The following HS1BP3 variants were observed in gnomAD, a reference collection of about 807,000 sequenced individuals.
The protein encoded by HS1BP3 is HCLS1-binding protein 3.
In HS1BP3, 32 loss-of-function variants were observed where a neutral mutation model predicts 33.5. The observed-to-expected ratio is 0.95, with a 90% CI of 0.72 to 1.28. The LOEUF is 1.28. Among genes scored for constraint, HS1BP3 ranks in the 50% most tolerant of loss-of-function variants. The probability of loss-of-function intolerance (pLI) is 0.00; values close to 1 mark genes in which losing one functional copy is unlikely to be tolerated. For synonymous variants in HS1BP3, 187 were observed against 209.2 expected, an observed-to-expected ratio of 0.89 and a Z score of 0.92; for missense variants, 486 against 502.3, an observed-to-expected ratio of 0.97 and a Z score of 0.31.
chr2:20,619,798 G>A (rs374421773), intron 6 of HS1BP3, among the ~76,000 whole-genome samples: 1 of 152,356 alleles, frequency 6.6e-6, no homozygotes, highest in Non-Finnish European at 1.5e-5. Flanking sequence ...CTTAGAAGCT[G>A]AGCCCTCATC....
At chr2:20,554,706 CAA>C in the HS1BP3 span, among the ~76,000 whole-genome samples, 20 of 104,488 alleles carry the variant, frequency 1.9e-4, no homozygotes, top group South Asian at 3.4e-4. Context: ...CTCCACCTCA[CAA>C]AAAAAAAAAA....
chr2:20,622,058 T>C, intron 6 of HS1BP3: 3 of 557,164 alleles, frequency 5.4e-6, no homozygotes, highest in South Asian at 2.1e-5. Flanking sequence ...CCTGCCCTGG[T>C]GTGGCTGCAC....
chr2:20,566,290 C>T lies in HS1BP3; in HGVS notation c.303-5775G>A, dbSNP rs1572287744. Among the ~76,000 whole-genome samples, 3 of 152,262 alleles carry T rather than the reference C, an allele frequency of 2.0e-5. No homozygotes were observed. In the South Asian group the frequency reaches 6.2e-4, roughly 31 times the overall value. On this transcript the variant is annotated intron_variant, in intron 5 of 5. Coordinates refer to the HS1BP3 transcript ENST00000446825. ...CCGGGGTACAGCTCTAAGGGAGACA[C>T]AGACACTGCTTGGGCTGACTCCTTC... is the stretch of plus-strand genomic sequence containing the variant.
At chr2:20,582,263 C>T (rs577923848) in intron 5 of HS1BP3, among the ~76,000 whole-genome samples, 2 of 152,304 alleles carry the variant, frequency 1.3e-5, no homozygotes, top group South Asian at 2.1e-4. Context: ...TTGAGAGACA[C>T]AGCCTCCTGT....
rs1694496310 is a variant in HS1BP3 at position 20,618,717 on chromosome 2, C to T, written c.*270G>A. On this transcript the variant is annotated 3_prime_UTR_variant, in exon 7 of 7. Coordinates refer to ENST00000304031, the MANE Select transcript of HS1BP3 (RefSeq NM_022460.4). ...GCTTCTGGTTGGCAAGGCATCCCCACACCCTCCCTCCCCTTCATGTCCACG... is the reference window on the plus strand; with the variant it reads ...GCTTCTGGTTGGCAAGGCATCCCCATACCCTCCCTCCCCTTCATGTCCACG... The T allele has an allele frequency of 2.5e-5, 32 of 1,265,162 alleles. 2 individuals are homozygous for T. Among genetic ancestry groups the T allele is most frequent in the South Asian group, 2.3e-4 (9 of 38,972 alleles). The allele number at this position is 1,265,162 out of a possible 1,614,324, so 78.4% of individuals were successfully genotyped here.
chr2:20,625,618 G>C (rs1344959835), intron 4 of HS1BP3, among the ~76,000 whole-genome samples: 3 of 152,186 alleles, frequency 2.0e-5, no homozygotes, highest in African/African-American at 7.2e-5. Context: ...CCCTCTTTCA[G>C]GAAGCCTCTC....
At chr2:20,625,036 A>T in intron 4 of HS1BP3, 144 bp from the exon 5 acceptor site, 1 of 957,808 alleles carries the variant, frequency 1.0e-6, no homozygotes, top group South Asian at 1.4e-5. Flanking sequence ...GGACCAGGGA[A>T]GTCCTGGAGG....
chr2:20,622,006 C>T (rs1694615046), intron 6 of HS1BP3, among the ~76,000 whole-genome samples: 1 of 151,824 alleles, frequency 6.6e-6, no homozygotes, highest in Non-Finnish European at 1.5e-5. Context: ...TCCCTGGGTT[C>T]CTGCGGAAGA....
chr2:20,600,386 T>C (rs1572323565), intron 2 of HS1BP3, among the ~76,000 whole-genome samples: 1 of 152,204 alleles, frequency 6.6e-6, no homozygotes, highest in East Asian at 1.9e-4. Flanking sequence ...AAAGCGCCAT[T>C]ATTACAAGTC....
At chr2:20,572,383 G>A (rs935174342) in intron 5 of HS1BP3, among the ~76,000 whole-genome samples, 1 of 152,198 alleles carries the variant, frequency 6.6e-6, no homozygotes, top group Non-Finnish European at 1.5e-5. Context: ...TCTTCGTGTA[G>A]CCCCAGGACT....
rs974710722 is a variant in HS1BP3, at chr2:20,628,719, C to T, written c.624-3827G>A. Reference sequence around the variant, plus strand: ...AGCACAGAGGACAGAGCCAACCAAGCCTGAGGGCTCAGGGAGGACTTCTTG... The same window carrying T: ...AGCACAGAGGACAGAGCCAACCAAGTCTGAGGGCTCAGGGAGGACTTCTTG... On this transcript the variant is annotated intron_variant, in intron 4 of 6. Coordinates refer to ENST00000304031, the MANE Select transcript of HS1BP3 (RefSeq NM_022460.4). Among the ~76,000 whole-genome samples the T allele has an allele frequency of 4.0e-5, 6 of 151,884 alleles. No individual in the cohort carries two copies. The South Asian group carries it at 6.2e-4, about 16-fold the overall frequency.
At chr2:20,615,731 G>C (rs1694410168), downstream of HS1BP3, among the ~76,000 whole-genome samples, 1 of 152,214 alleles carries the variant, frequency 6.6e-6, no homozygotes, top group South Asian at 2.1e-4. Flanking sequence ...ACTGCACCAA[G>C]TATGTCAACA....
intron 5 of HS1BP3, among the ~76,000 whole-genome samples, chr2:20,566,024 C>T (rs573658255): frequency 4.6e-5 from 7 of 152,356 alleles, no homozygotes; most frequent in African/African-American, 1.4e-4. Context: ...GAGGAAAGGG[C>T]TTAACAAACT....
downstream of HS1BP3, among the ~76,000 whole-genome samples, chr2:20,591,500 T>C (rs1693812826): frequency 6.6e-6 from 1 of 152,214 alleles, no homozygotes; most frequent in East Asian, 1.9e-4. Flanking sequence ...GCCAGGTGTT[T>C]ATTGTCAAAG....
intron 1 of HS1BP3, among the ~76,000 whole-genome samples, chr2:20,648,939 T>C (rs544840603): frequency 6.6e-6 from 1 of 152,288 alleles, no homozygotes; most frequent in South Asian, 2.1e-4. Flanking sequence ...TATCCAAGCA[T>C]CAGCAAACCT....
intron 2 of HS1BP3, among the ~76,000 whole-genome samples, chr2:20,606,996 T>G (rs952533045): frequency 6.6e-6 from 1 of 152,158 alleles, no homozygotes; most frequent in Non-Finnish European, 1.5e-5. Flanking sequence ...TTTGGCCGCT[T>G]GTGCTCTTGG....
At chr2:20,576,670 A>G (rs1693408329) in intron 5 of HS1BP3, among the ~76,000 whole-genome samples, 1 of 152,206 alleles carries the variant, frequency 6.6e-6, no homozygotes, top group African/African-American at 2.4e-5. Context: ...AAGTTCTGAG[A>G]GAGACGGAGG....
intron 2 of HS1BP3, among the ~76,000 whole-genome samples, chr2:20,598,703 C>T (rs1357987064): frequency 9.3e-5 from 14 of 150,018 alleles, no homozygotes; most frequent in African/African-American, 3.4e-4. Context: ...GGACTACAGG[C>T]GCCCGCCACT....
downstream of HS1BP3, among the ~76,000 whole-genome samples, chr2:20,615,393 G>A (rs975974354): frequency 5.9e-5 from 9 of 152,202 alleles, no homozygotes; most frequent in African/African-American, 2.2e-4. Flanking sequence ...CTTCCCCACC[G>A]GCCCCTCAGT....
Sources: allele counts gnomAD v4.1 joint callset (sites outside exome capture counted in the v4.1 genomes callset), GRCh38; gene constraint gnomAD v4.1.1; transcripts MANE v1.5; gene names NCBI Gene and HGNC (gene_info 2026-07-23, HGNC 2026-07-21).